The following DAB2IP variants were observed in gnomAD, a reference collection of about 807,000 sequenced individuals.
The protein encoded by DAB2IP is disabled homolog 2-interacting protein.
In DAB2IP, 28 loss-of-function variants were observed where a neutral mutation model predicts 107.2. That is an observed-to-expected ratio of 0.26 (90% CI 0.19 to 0.36). The LOEUF (loss-of-function observed/expected upper bound fraction) is 0.36, where lower values mean the gene tolerates loss of function less well. DAB2IP is among the 10% of genes least tolerant of loss of function. The probability of loss-of-function intolerance (pLI) is 1.00; values close to 1 mark genes in which losing one functional copy is unlikely to be tolerated. For missense variants in DAB2IP, 1,400 were observed against 1,644.7 expected (o/e 0.85, Z 2.57); for synonymous variants, 755 against 706.4 (o/e 1.07, Z -1.09).
upstream of DAB2IP, among the ~76,000 whole-genome samples, chr9:121,649,513 G>A (rs1832661941): frequency 9.7e-6 from 1 of 102,760 alleles, no homozygotes; most frequent in Non-Finnish European, 2.5e-5. Context: ...AGGGAGGGCT[G>A]GAACCTGGCT....
rs944190886 is a variant in DAB2IP at position 121,772,510 on chromosome 9, G to A, written c.2079-97G>A. ...GCGCTGGCTCAGGCTGCCAGGCCCC[G>A]GCAGGTTGGCGGGTGCTGTCGGTTT... On this transcript the variant is annotated intron_variant, in intron 11 of 15. Transcript: ENST00000408936. The surrounding 1 kb of genome is among the most constrained non-coding windows in gnomAD (Gnocchi z 4.7). The A allele has an allele frequency of 1.0e-5, 14 of 1,378,698 alleles. No homozygotes were observed. The highest frequency in any genetic ancestry group is 2.3e-5 in the East Asian group (1 of 43,276). 85.4% of individuals were successfully genotyped at this position (1,378,698 alleles called of 1,614,324 possible).
chr9:121,603,646 C>T (rs548513567), intron 1 of DAB2IP, among the ~76,000 whole-genome samples: 1 of 152,256 alleles, frequency 6.6e-6, no homozygotes, highest in African/African-American at 2.4e-5. Context: ...TGCCAGAGCC[C>T]TCACCTGGAA....
chr9:121,738,617 C>T (rs907182095), intron 3 of DAB2IP, among the ~76,000 whole-genome samples: 2 of 152,206 alleles, frequency 1.3e-5, no homozygotes, highest in Non-Finnish European at 2.9e-5. Context: ...AACGAAACTG[C>T]CACATGTGCC....
At chr9:121,640,367 C>T (rs547010444) in intron 1 of DAB2IP, among the ~76,000 whole-genome samples, 5 of 151,450 alleles carry the variant, frequency 3.3e-5, no homozygotes, top group African/African-American at 7.3e-5. Flanking sequence ...GTCAGGGGGG[C>T]GACAATGAGA....
chr9:121,690,104 G>A (rs1206766666), intron 2 of DAB2IP, among the ~76,000 whole-genome samples: 1 of 152,226 alleles, frequency 6.6e-6, no homozygotes, highest in Non-Finnish European at 1.5e-5. Context: ...CTGAAGCTTA[G>A]ACAGGGCTTA....
intron 1 of DAB2IP, among the ~76,000 whole-genome samples, chr9:121,629,965 A>C (rs1831814188): frequency 6.6e-6 from 1 of 152,232 alleles, no homozygotes; most frequent in Non-Finnish European, 1.5e-5. Flanking sequence ...AATAGGAAAA[A>C]AAGAATCCCA....
rs548103412 is a variant in DAB2IP, at chr9:121,714,949, C to G, written c.362+15491C>G. Among the ~76,000 whole-genome samples, 5 of 152,342 alleles carry G rather than the reference C, an allele frequency of 3.3e-5. No individual in the cohort carries two copies. The South Asian group carries it at 1.0e-3, about 32-fold the overall frequency. ...GCCACGGGACTTGTATGGCCTTAAC[C>G]CTCCAGCCATCCTAAGAAGTGGATA... On this transcript the variant is annotated intron_variant, in intron 3 of 15. Coordinates refer to ENST00000408936, the Ensembl canonical transcript of DAB2IP.
chr9:121,774,231 C>T (rs1835012781), intron 12 of DAB2IP, 29 bp from the exon 13 acceptor site: 1 of 1,560,558 alleles, frequency 6.4e-7, no homozygotes, highest in Non-Finnish European at 8.7e-7. Context: ...CACCTCCCTG[C>T]AGCCCCTCAC....
chr9:121,715,139 A>T (rs1830530384), intron 3 of DAB2IP, among the ~76,000 whole-genome samples: 1 of 151,928 alleles, frequency 6.6e-6, no homozygotes. Flanking sequence ...TGCTGCCCTG[A>T]GGGTGTCTCT....
At chr9:121,779,248 TTTAA>T (rs1835424259) in intron 14 of DAB2IP, among the ~76,000 whole-genome samples, 1 of 152,248 alleles carries the variant, frequency 6.6e-6, no homozygotes, top group African/African-American at 2.4e-5. Context: ...TTCCATCAGT[TTTAA>T]TTCTCATTGT....
At chr9:121,691,536 AC>A (rs1336153193) in intron 2 of DAB2IP, among the ~76,000 whole-genome samples, 5 of 151,954 alleles carry the variant, frequency 3.3e-5, no homozygotes, top group South Asian at 2.1e-4. Flanking sequence ...AAAAAAAAAA[AC>A]TATGACCATG....
chr9:121,605,752 C>T (rs1830848359), intron 1 of DAB2IP, among the ~76,000 whole-genome samples: 1 of 152,156 alleles, frequency 6.6e-6, no homozygotes, highest in African/African-American at 2.4e-5. Context: ...GCAATCCTCC[C>T]ACCTTGGCCT....
chr9:121,592,871 A>G (rs1442846558), intron 1 of DAB2IP, among the ~76,000 whole-genome samples: 2 of 152,192 alleles, frequency 1.3e-5, no homozygotes, highest in South Asian at 2.1e-4. Flanking sequence ...CCTGGGCTAC[A>G]TGTGAGAACA....
chr9:121,638,518 G>A (rs922528569), intron 1 of DAB2IP, among the ~76,000 whole-genome samples: 1 of 152,170 alleles, frequency 6.6e-6, no homozygotes, highest in Non-Finnish European at 1.5e-5. Flanking sequence ...TGGAGGAGGC[G>A]GTGAATTGAG....
chr9:121,759,841 GTGGCACCCCCA>G, intron 5 of DAB2IP, 33 bp from the exon 6 acceptor site: 6 of 1,552,604 alleles, frequency 3.9e-6, no homozygotes, highest in Non-Finnish European at 4.4e-6. Context: ...GGGGTTGCAC[GTGGCACCCCCA>G]GCTGACCACC....
chr9:121,699,290 G>A lies in DAB2IP; in HGVS notation c.229-35G>A. 1 of 1,191,740 alleles carries A rather than the reference G, an allele frequency of 8.4e-7. No individual in the cohort carries two copies. 73.8% of individuals were successfully genotyped at this position (1,191,740 alleles called of 1,614,324 possible). On this transcript the variant is annotated intron_variant, in intron 2 of 15. Coordinates refer to ENST00000408936, the Ensembl canonical transcript of DAB2IP. The surrounding 1 kb of genome is among the most constrained non-coding windows in gnomAD (Gnocchi z 6.2). ...GGCCCGCCGCCGCCGCGCTAACCCC[G>A]CCTCCCCTTCCCCCTCTTGTCCCCC...
chr9:121,785,336 C>G (rs1251852386), exon 16 of DAB2IP: 1 of 152,696 alleles, frequency 6.5e-6, no homozygotes, highest in African/African-American at 2.4e-5. Flanking sequence ...CGTCCCAGCT[C>G]CCCTCTTTTG....
chr9:121,612,518 C>A (rs865977536), intron 1 of DAB2IP, among the ~76,000 whole-genome samples: 1 of 152,228 alleles, frequency 6.6e-6, no homozygotes, highest in Middle Eastern at 3.4e-3. Flanking sequence ...TCCACAGTCC[C>A]CGTGAGCTTG....
chr9:121,746,279 G>A (rs923852870), intron 3 of DAB2IP, among the ~76,000 whole-genome samples: 1 of 152,220 alleles, frequency 6.6e-6, no homozygotes, highest in African/African-American at 2.4e-5. Flanking sequence ...TACTGAGGCT[G>A]TGTATGGAGA....
Sources: allele counts gnomAD v4.1 joint callset (sites outside exome capture counted in the v4.1 genomes callset), GRCh38; gene constraint gnomAD v4.1.1; non-coding constraint Gnocchi (gnomAD v3.1); transcripts MANE v1.5; gene names NCBI Gene and HGNC (gene_info 2026-07-23, HGNC 2026-07-21).